The following PPP6R1 variants were observed in gnomAD, a reference collection of about 807,000 sequenced individuals.
PPP6R1 encodes the protein protein phosphatase 6 regulatory subunit 1.
A neutral mutation model predicts 104.6 loss-of-function variants in PPP6R1; 39 were observed. That is an observed-to-expected ratio of 0.37 (90% CI 0.29 to 0.49). The LOEUF (loss-of-function observed/expected upper bound fraction) is 0.49, where lower values mean the gene tolerates loss of function less well. Ranked by LOEUF, PPP6R1 falls within the 20% of genes least tolerant of loss-of-function variation. The probability of loss-of-function intolerance (pLI) is 0.98; values close to 1 mark genes in which losing one functional copy is unlikely to be tolerated. For missense variants in PPP6R1, 1,181 were observed against 1,155.8 expected, an observed-to-expected ratio of 1.02 and a Z score of -0.32; for synonymous variants, 549 against 479.0, an observed-to-expected ratio of 1.15 and a Z score of -1.91.
chr19:55,245,027 T>C lies in PPP6R1; in HGVS notation c.618+93A>G, dbSNP rs1228546669. On this transcript the variant is annotated intron_variant, in intron 5 of 23. Coordinates refer to ENST00000412770, the MANE Select transcript of PPP6R1 (RefSeq NM_014931.4). This position sits in a 1 kb window ranked among gnomAD's most constrained non-coding sequence, Gnocchi z 6.4. ...TGCTGGAATTACAGGCGTGAGCCAC[T>C]GCGTCCAGCCCCAATTCCTCTTTTA... 6 of 1,527,600 alleles carry C rather than the reference T, an allele frequency of 3.9e-6. No homozygotes were observed. The highest frequency in any genetic ancestry group is 5.3e-6 in the Non-Finnish European group (6 of 1,125,732). The allele number at this position is 1,527,600 out of a possible 1,614,324, so 94.6% of individuals were successfully genotyped here.
intron 17 of PPP6R1, among the ~76,000 whole-genome samples, chr19:55,235,720 A>G (rs775714688): frequency 7.3e-5 from 11 of 150,824 alleles, no homozygotes; most frequent in South Asian, 2.1e-4. Context: ...GGGTTTCACC[A>G]TGTTAGCCAG....
chr19:55,252,773 A>G (rs1460371677), intron 1 of PPP6R1, among the ~76,000 whole-genome samples: 2 of 151,896 alleles, frequency 1.3e-5, no homozygotes, highest in African/African-American at 4.8e-5. Flanking sequence ...CCTGACCTCA[A>G]GTGATCTGCC....
chr19:55,230,501 T>C lies in PPP6R1; in HGVS notation c.*27A>G. The C allele has an allele frequency of 6.2e-7, 1 of 1,612,218 alleles. No homozygotes were observed. Among genetic ancestry groups the C allele is most frequent in the Non-Finnish European group, 8.5e-7 (1 of 1,179,510 alleles). Reference sequence around the variant, plus strand: ...GGGAGATCCACGGGAGGACGGAAGATTTGGCCGCCGCTGCCGCACCAGGCA... The same window carrying C: ...GGGAGATCCACGGGAGGACGGAAGACTTGGCCGCCGCTGCCGCACCAGGCA... On this transcript the variant is annotated 3_prime_UTR_variant, in exon 24 of 24. Transcript: ENST00000412770.
intron 15 of PPP6R1, among the ~76,000 whole-genome samples, chr19:55,238,473 C>T (rs191839625): frequency 2.6e-3 from 392 of 152,252 alleles, no homozygotes; most frequent in Middle Eastern, 0.014. Flanking sequence ...GTCCTGGGGC[C>T]TCAGTCTCCC....
chr19:55,256,625 C>G (rs984972470), intron 1 of PPP6R1, among the ~76,000 whole-genome samples: 3 of 152,174 alleles, frequency 2.0e-5, no homozygotes, highest in Non-Finnish European at 2.9e-5. Flanking sequence ...GCCTGGGCAC[C>G]ACAGCAGGGC....
At position 55,231,461 on chromosome 19, in the gene PPP6R1, T is replaced by A; in HGVS notation, c.2408A>T (p.Asp803Val). The A allele has an allele frequency of 3.1e-6, 5 of 1,608,114 alleles. No homozygotes were observed. Among genetic ancestry groups the A allele is most frequent in the Non-Finnish European group, 4.2e-6 (5 of 1,177,758 alleles). Residue 803 changes from aspartate to valine, a missense_variant, in exon 21 of 24, where the codon GAC (aspartate) becomes GTC (valine). Asp to Val is a radical substitution (Grantham distance 152). This residue lies in a region of PPP6R1 where 1,042 missense variants were observed against 955.6 expected (regional missense o/e 1.09). Transcript: ENST00000412770. The stretch of plus-strand genomic sequence containing the variant: ...GATCCCGTGGAAGGTGGCCTGAAGG[T>A]CCCCGATGCTAACCAAGGCCTGGCA... Reference protein sequence around the residue: ...APCQALVSIGDLQATFHGIRS... With the variant: ...APCQALVSIGVLQATFHGIRS...
At chr19:55,253,616 G>A (rs937498036) in intron 1 of PPP6R1, among the ~76,000 whole-genome samples, 7 of 152,196 alleles carry the variant, frequency 4.6e-5, no homozygotes, top group Non-Finnish European at 8.8e-5. Flanking sequence ...AGAATAGACT[G>A]AAAGGCTCAA....
Position 55,241,776 on chromosome 19 carries a change from G to T in PPP6R1, c.846-137C>A. 1 of 1,138,530 alleles carries T rather than the reference G, an allele frequency of 8.8e-7. No individual in the cohort carries two copies. Among genetic ancestry groups the T allele is most frequent in the Non-Finnish European group, 1.2e-6 (1 of 823,396 alleles). 70.5% of individuals were successfully genotyped at this position (1,138,530 alleles called of 1,614,324 possible). ...TGCCCCCAGCGCCGCTCTCTTCTGA[G>T]GCCCTTCAGACAACACCTGGCTGGG... On this transcript the variant is annotated intron_variant, in intron 7 of 23. Transcript: ENST00000412770. This position sits in a 1 kb window ranked among gnomAD's most constrained non-coding sequence, Gnocchi z 5.4.
At chr19:55,242,067 G>A (rs2087463243) in intron 7 of PPP6R1, 99 bp downstream of exon 7, 3 of 1,141,964 alleles carry the variant, frequency 2.6e-6, no homozygotes, top group African/African-American at 1.5e-5. Context: ...GGTGCCACGG[G>A]CGGGGATTTC....
chr19:55,244,575 G>A (rs2087489591), intron 5 of PPP6R1, among the ~76,000 whole-genome samples: 2 of 152,200 alleles, frequency 1.3e-5, no homozygotes, highest in Non-Finnish European at 2.9e-5. Flanking sequence ...GATGAGGAGG[G>A]CCCCTCCCTG....
downstream of PPP6R1, chr19:55,228,654 TC>T: frequency 2.5e-6 from 4 of 1,595,534 alleles, no homozygotes; most frequent in Non-Finnish European, 2.6e-6. Flanking sequence ...CAGGGCCCTG[TC>T]CCCCCAGCCC....
rs768579046 is a variant in PPP6R1 at position 55,240,937 on chromosome 19, C to A, written c.1296+8G>T. ...CAGAAGGAGGGGGACCAGGGAGTCC[C>A]AGCTCACATGTTTCACAACAGGGTT... is the stretch of plus-strand genomic sequence containing the variant. On this transcript the variant is annotated splice_region_variant and intron_variant, in intron 10 of 23. Coordinates refer to ENST00000412770, the MANE Select transcript of PPP6R1 (RefSeq NM_014931.4). 6.2e-7 allele frequency: 1 copy of A among 1,604,022 alleles called. No homozygotes were observed. Among genetic ancestry groups the A allele is most frequent in the South Asian group, 1.1e-5 (1 of 88,550 alleles).
rs865840654 is a variant in PPP6R1 at position 55,245,505 on chromosome 19, C to T, written c.401G>A (p.Arg134His). 6.2e-7 allele frequency: 1 copy of T among 1,608,672 alleles called. No individual in the cohort carries two copies. Among genetic ancestry groups the T allele is most frequent in the Non-Finnish European group, 8.5e-7 (1 of 1,177,664 alleles). ...FSKVMGILIN[R>H]KTDQLVSFLR... is the part of the protein sequence containing the mutation. ...GGGCCAGGGCACCTGGTCTGTCTTG[C>T]GGTTGATGAGGATGCCCATGACCTT... The change falls in exon 3 of 24, where the codon CGC becomes CAC. Residue 134 changes from arginine (R) to histidine (H), a missense_variant. Arg to His is a conservative substitution (Grantham distance 29, BLOSUM62 0). This residue lies in a region of PPP6R1 where 139 missense variants were observed against 200.1 expected (regional missense o/e 0.69). Coordinates refer to ENST00000412770, the MANE Select transcript of PPP6R1 (RefSeq NM_014931.4). This position sits in a 1 kb window ranked among gnomAD's most constrained non-coding sequence, Gnocchi z 6.4.
At chr19:55,231,168 C>T (rs1159977834) in intron 21 of PPP6R1, among the ~76,000 whole-genome samples, 1 of 152,136 alleles carries the variant, frequency 6.6e-6, no homozygotes, top group African/African-American at 2.4e-5. Flanking sequence ...CCCTCCCAAT[C>T]CTTCACACCC....
intron 15 of PPP6R1, chr19:55,239,183 CGGA>C (rs2087425714): frequency 1.8e-6 from 1 of 569,312 alleles, no homozygotes; most frequent in Non-Finnish European, 3.2e-6. Flanking sequence ...GCCTGCCTCT[CGGA>C]GAGAAGAGAC....
intron 1 of PPP6R1, among the ~76,000 whole-genome samples, chr19:55,257,648 C>G (rs1329362814): frequency 1.3e-5 from 2 of 152,194 alleles, no homozygotes; most frequent in East Asian, 1.9e-4. Flanking sequence ...AAAAGCCGTC[C>G]GTCCAGTCAG....
downstream of PPP6R1, chr19:55,229,591 G>C (rs982837311): frequency 6.6e-6 from 1 of 152,228 alleles, no homozygotes; most frequent in Admixed American, 6.5e-5. Flanking sequence ...GCCCACAGGT[G>C]GGGTAGACCT....
At position 55,241,276 on chromosome 19, in the gene PPP6R1, T is replaced by C. The variant is rs752190028; in HGVS notation, c.1124A>G (p.His375Arg). The change falls in exon 9 of 24, where the codon CAC (histidine) becomes CGC (arginine). Residue 375 changes from histidine to arginine, a missense_variant. Physicochemically the swap from His to Arg is conservative, Grantham distance 29. Around this residue, in one of 2 missense-constraint regions of PPP6R1, gnomAD observed 1,042 missense variants for 955.6 expected, o/e 1.09. Transcript: ENST00000412770. This position sits in a 1 kb window ranked among gnomAD's most constrained non-coding sequence, Gnocchi z 5.4. ...ALSANDAALT[H>R]ELLALDVPNT... ...GGGCACGTCCAGTGCCAGGAGCTCG[T>C]GCGTCAGGGCTGCATCATTGGCGCT... 5.6e-6 allele frequency: 9 copies of C among 1,608,854 alleles called. No individual in the cohort carries two copies. Among genetic ancestry groups the C allele is most frequent in the Non-Finnish European group, 7.6e-6 (9 of 1,178,904 alleles).
At chr19:55,252,605 T>C (rs983917693) in intron 1 of PPP6R1, among the ~76,000 whole-genome samples, 2 of 152,140 alleles carry the variant, frequency 1.3e-5, no homozygotes, top group Non-Finnish European at 2.9e-5. Flanking sequence ...TTTCACCATA[T>C]TGGCCAGGCT....
Sources: allele counts gnomAD v4.1 joint callset (sites outside exome capture counted in the v4.1 genomes callset), GRCh38; gene constraint gnomAD v4.1.1; regional missense constraint gnomAD v4.1.1; non-coding constraint Gnocchi (gnomAD v3.1); transcripts MANE v1.5; gene names NCBI Gene and HGNC (gene_info 2026-07-23, HGNC 2026-07-21).